Variants in CHIC2 observed in about 807,000 individuals in gnomAD.
CHIC2 encodes the protein cysteine rich hydrophobic domain 2.
A neutral mutation model predicts 25.9 loss-of-function variants in CHIC2; 14 were observed. The observed-to-expected ratio is 0.54, with a 90% CI of 0.36 to 0.85. CHIC2 has a LOEUF of 0.85. Ranked by LOEUF, CHIC2 falls within the 40% of genes least tolerant of loss-of-function variation. The pLI is 0.01. For synonymous variants in CHIC2, 70 were observed against 72.0 expected (o/e 0.97, Z 0.14); for missense variants, 146 against 202.0 (o/e 0.72, Z 1.68).
chr4:54,056,617 A>G (rs1717184360), intron 1 of CHIC2, among the ~76,000 whole-genome samples: 1 of 152,188 alleles, frequency 6.6e-6, no homozygotes, highest in African/African-American at 2.4e-5. Context: ...CTCACTATAT[A>G]TAGTACATTC....
At chr4:54,015,682 C>G (rs1715716982) in intron 3 of CHIC2, among the ~76,000 whole-genome samples, 1 of 152,162 alleles carries the variant, frequency 6.6e-6, no homozygotes, top group Non-Finnish European at 1.5e-5. Flanking sequence ...CTCCGTAAAT[C>G]TGTACTAGGT....
chr4:54,015,005 T>C (rs751500938), intron 3 of CHIC2, among the ~76,000 whole-genome samples: 4 of 152,132 alleles, frequency 2.6e-5, no homozygotes, highest in Non-Finnish European at 5.9e-5. Context: ...TAATCAAATA[T>C]GAAAATTTGC....
intron 3 of CHIC2, among the ~76,000 whole-genome samples, chr4:54,045,505 C>T (rs1356447000): frequency 1.4e-3 from 208 of 152,244 alleles, no homozygotes; most frequent in African/African-American, 4.9e-3. Context: ...ATACGAAAAT[C>T]AATAAACGTA....
chr4:54,014,276 T>C (rs1037419660), intron 3 of CHIC2, among the ~76,000 whole-genome samples, 157 bp from the exon 4 acceptor site: 1 of 152,156 alleles, frequency 6.6e-6, no homozygotes, highest in African/African-American at 2.4e-5. Flanking sequence ...AATGGTAACC[T>C]GAACACAAAA....
chr4:54,022,886 A>G (rs1469372627), intron 3 of CHIC2, among the ~76,000 whole-genome samples: 1 of 152,020 alleles, frequency 6.6e-6, no homozygotes, highest in Non-Finnish European at 1.5e-5. Flanking sequence ...TCTCCTTACA[A>G]TTCCCCCATT....
At chr4:54,073,123 C>G in the CHIC2 span, among the ~76,000 whole-genome samples, 1 of 152,122 alleles carries the variant, frequency 6.6e-6, no homozygotes, top group Non-Finnish European at 1.5e-5. Context: ...GCTAAACATG[C>G]CCATTTACTT....
the CHIC2 span, among the ~76,000 whole-genome samples, chr4:54,073,775 G>C: frequency 5.4e-4 from 82 of 152,314 alleles, no homozygotes; most frequent in African/African-American, 1.8e-3. Context: ...AGAAGAAAGA[G>C]GGACTTAGCC....
At chr4:54,010,280 C>G in intron 5 of CHIC2, 135 bp from the exon 6 acceptor site, 1 of 605,766 alleles carries the variant, frequency 1.7e-6, no homozygotes, top group Non-Finnish European at 3.0e-6. Context: ...TAAAACAGAT[C>G]TTTATCTGAT....
At chr4:54,038,136 G>GA in intron 3 of CHIC2, among the ~76,000 whole-genome samples, 1 of 152,120 alleles carries the variant, frequency 6.6e-6, no homozygotes, top group Non-Finnish European at 1.5e-5. Flanking sequence ...CCTACACTGT[G>GA]AAAAAGAGAA....
At chr4:54,023,629 G>A (rs1431082635) in intron 3 of CHIC2, among the ~76,000 whole-genome samples, 1 of 152,014 alleles carries the variant, frequency 6.6e-6, no homozygotes, top group Non-Finnish European at 1.5e-5. Context: ...GTTTATTGAT[G>A]GCAGTTCCAC....
chr4:54,040,703 CAAAAAA>C (rs71200354), intron 3 of CHIC2, among the ~76,000 whole-genome samples: 2 of 59,318 alleles, frequency 3.4e-5, no homozygotes, highest in East Asian at 7.4e-4. Flanking sequence ...AACTCTGTCT[CAAAAAA>C]AAAAAAAAAA....
upstream of CHIC2, among the ~76,000 whole-genome samples, chr4:54,067,695 G>T (rs932661173): frequency 1.3e-5 from 2 of 152,096 alleles, no homozygotes; most frequent in East Asian, 3.8e-4. Flanking sequence ...AACCAAACTG[G>T]ATAATGTCAG....
intron 3 of CHIC2, among the ~76,000 whole-genome samples, chr4:54,025,537 G>A (rs1333898621): frequency 1.3e-5 from 2 of 152,174 alleles, no homozygotes; most frequent in Non-Finnish European, 1.5e-5. Context: ...TCGCACGGAT[G>A]CATGAGACAC....
At chr4:54,042,565 T>C (rs761180339) in intron 3 of CHIC2, among the ~76,000 whole-genome samples, 11 of 152,166 alleles carry the variant, frequency 7.2e-5, no homozygotes, top group Non-Finnish European at 1.3e-4. Flanking sequence ...TCTACAGTAT[T>C]AAAACTCTTA....
At chr4:54,054,616 C>T (rs750630699) in intron 1 of CHIC2, among the ~76,000 whole-genome samples, 2 of 152,118 alleles carry the variant, frequency 1.3e-5, no homozygotes, top group African/African-American at 2.4e-5. Flanking sequence ...TCTGTTACTC[C>T]GCATGCCTAA....
chr4:54,090,480 C>T, the CHIC2 span, among the ~76,000 whole-genome samples: 1,183 of 152,268 alleles, frequency 7.8e-3, 13 homozygotes, highest in African/African-American at 0.027. Context: ...CCACCACAAC[C>T]GGCCTAATTT....
chr4:54,056,557 G>A (rs1277479630), intron 1 of CHIC2, among the ~76,000 whole-genome samples: 2 of 152,142 alleles, frequency 1.3e-5, no homozygotes, highest in Non-Finnish European at 2.9e-5. Context: ...CCCACATTAT[G>A]ACTACAATGC....
chr4:54,048,916 C>G, intron 3 of CHIC2, 39 bp downstream of exon 3: 1 of 1,449,650 alleles, frequency 6.9e-7, no homozygotes, highest in Non-Finnish European at 9.2e-7. Flanking sequence ...CTTGCTTGTC[C>G]ACTTCTAAAT....
chr4:54,021,172 C>T (rs186039194), intron 3 of CHIC2, among the ~76,000 whole-genome samples: 326 of 152,238 alleles, frequency 2.1e-3, no homozygotes, highest in African/African-American at 7.5e-3. Flanking sequence ...TCTGCAATAC[C>T]GCTTGACCCC....
Sources: gnomAD v4.1 joint callset for allele counts (sites outside exome capture counted in the v4.1 genomes callset) on GRCh38, gnomAD v4.1.1 for gene constraint, MANE v1.5 for transcripts, NCBI Gene and HGNC (gene_info 2026-07-23, HGNC 2026-07-21) for gene names.